The following FBXO11 variants were observed in gnomAD, a reference collection of about 807,000 sequenced individuals.
FBXO11 encodes F-box only protein 11.
In FBXO11, 13 loss-of-function variants were observed where a neutral mutation model predicts 117.0. The observed-to-expected ratio is 0.11, with a 90% CI of 0.07 to 0.18. FBXO11 has a LOEUF of 0.18. FBXO11 is among the 10% of genes least tolerant of loss of function. The probability of loss-of-function intolerance (pLI) is 1.00; values close to 1 mark genes in which losing one functional copy is unlikely to be tolerated. For synonymous variants in FBXO11, 490 were observed against 380.5 expected, an observed-to-expected ratio of 1.29 and a Z score of -3.35; for missense variants, 767 against 1,164.4, an observed-to-expected ratio of 0.66 and a Z score of 4.97.
rs544208308 is a variant in FBXO11, at chr2:47,901,029, A to ATG, written c.232+4459_232+4460insCA. Among the ~76,000 whole-genome samples the ATG allele has an allele frequency of 1.1e-3, 146 of 138,622 alleles. 5 individuals carry two copies. The East Asian group carries it at 0.028, about 27-fold the overall frequency. The allele number at this position is 138,622 out of a possible 152,430, so 90.9% of individuals were successfully genotyped here. On this transcript the variant is annotated intron_variant, in intron 1 of 22. Transcript: ENST00000403359. The stretch of plus-strand genomic sequence containing the variant: ...GAGATATATATATTTATGTATATAT[A>ATG]TACACACGTGTGTACATATATACAC...
chr2:47,810,555 A>T (rs1670541459), intron 18 of FBXO11, 129 bp from the exon 19 acceptor site: 1 of 558,536 alleles, frequency 1.8e-6, no homozygotes, highest in South Asian at 2.7e-5. Flanking sequence ...CTATTTTTTC[A>T]GCCAAAACAA....
chr2:47,891,897 G>A (rs1363527226), intron 1 of FBXO11, among the ~76,000 whole-genome samples: 1 of 151,856 alleles, frequency 6.6e-6, no homozygotes, highest in Non-Finnish European at 1.5e-5. Flanking sequence ...CCATATACTT[G>A]CTTGCCATCT....
chr2:47,883,625 TA>T, intron 1 of FBXO11: 1 of 321,566 alleles, frequency 3.1e-6, no homozygotes, highest in South Asian at 3.0e-5. Context: ...GTACTTTATC[TA>T]ACTACAACAT....
intron 1 of FBXO11, among the ~76,000 whole-genome samples, chr2:47,895,063 C>T (rs1360101658): frequency 6.6e-6 from 1 of 152,056 alleles, no homozygotes; most frequent in Non-Finnish European, 1.5e-5. Flanking sequence ...GTTTCCATTT[C>T]TTGCAAAGTA....
At chr2:47,853,501 T>C (rs1674039575) in intron 1 of FBXO11, among the ~76,000 whole-genome samples, 2 of 152,284 alleles carry the variant, frequency 1.3e-5, no homozygotes, top group South Asian at 4.1e-4. Flanking sequence ...GTATTGTAAA[T>C]AGTAGTATGT....
At chr2:47,811,915 CCTTTT>C (rs1204391978) in intron 18 of FBXO11, among the ~76,000 whole-genome samples, 2 of 152,150 alleles carry the variant, frequency 1.3e-5, no homozygotes, top group South Asian at 4.1e-4. Context: ...TTGGTTCTGT[CCTTTT>C]AAGTATCATT....
chr2:47,897,460 G>T (rs976290466), intron 1 of FBXO11, among the ~76,000 whole-genome samples: 2 of 152,160 alleles, frequency 1.3e-5, no homozygotes, highest in African/African-American at 2.4e-5. Flanking sequence ...ATTTTGGGAG[G>T]CTTAGGCGGG....
intron 20 of FBXO11, 80 bp from the exon 21 acceptor site, chr2:47,809,346 C>T: frequency 1.1e-6 from 1 of 888,584 alleles, no homozygotes; most frequent in Non-Finnish European, 1.7e-6. Context: ...ATTATTCTAA[C>T]AGAAGAGCCA....
intron 1 of FBXO11, among the ~76,000 whole-genome samples, chr2:47,866,559 C>T (rs1379840982): frequency 6.6e-6 from 1 of 151,762 alleles, no homozygotes; most frequent in Non-Finnish European, 1.5e-5. Flanking sequence ...CTGCAAACTC[C>T]GCCTCTCGGG....
At chr2:47,893,211 G>T (rs1677395238) in intron 1 of FBXO11, among the ~76,000 whole-genome samples, 3 of 146,824 alleles carry the variant, frequency 2.0e-5, no homozygotes, top group Admixed American at 2.0e-4. Flanking sequence ...CCAGACCGTG[G>T]GGGTCAAAAC....
intron 1 of FBXO11, among the ~76,000 whole-genome samples, chr2:47,891,222 C>T (rs185967388): frequency 2.2e-4 from 33 of 152,244 alleles, no homozygotes; most frequent in Admixed American, 1.3e-3. Flanking sequence ...TACTGTATGG[C>T]GGAACTTATT....
intron 1 of FBXO11, among the ~76,000 whole-genome samples, chr2:47,901,131 GTA>G (rs200244622): frequency 4.9e-4 from 52 of 105,686 alleles, no homozygotes; most frequent in African/African-American, 1.1e-3. Flanking sequence ...GTGTGTACAT[GTA>G]TATATATACA....
At position 47,878,499 on chromosome 2, in the gene FBXO11, G is replaced by C. The variant is rs558148085; in HGVS notation, c.232+26990C>G. Among the ~76,000 whole-genome samples the C allele has an allele frequency of 2.6e-5, 4 of 152,052 alleles. No homozygotes were observed. The South Asian group carries it at 6.2e-4, about 24-fold the overall frequency. ...AGCCTCCCGAGTAGCTGGGATTACA[G>C]GTGCCTGCCACTATGCCGGGCTAAT... On this transcript the variant is annotated intron_variant, in intron 1 of 22. Coordinates refer to ENST00000403359, the MANE Select transcript of FBXO11 (RefSeq NM_001190274.2).
At chr2:47,811,005 T>C (rs1309353732) in intron 18 of FBXO11, 3 of 152,248 alleles carry the variant, frequency 2.0e-5, no homozygotes, top group Non-Finnish European at 4.4e-5. Flanking sequence ...TTTGTCTTAA[T>C]GTGAGACATG....
chr2:47,900,587 T>C (rs1336252889), intron 1 of FBXO11, among the ~76,000 whole-genome samples: 4 of 144,346 alleles, frequency 2.8e-5, no homozygotes, highest in South Asian at 2.2e-4. Context: ...CACACATATA[T>C]ACGTATATAC....
intron 1 of FBXO11, among the ~76,000 whole-genome samples, chr2:47,844,285 T>C (rs1195591756): frequency 1.3e-5 from 2 of 152,216 alleles, no homozygotes; most frequent in Admixed American, 6.5e-5. Context: ...CTCTCTTAGA[T>C]TGTTCTGTCA....
intron 1 of FBXO11, among the ~76,000 whole-genome samples, chr2:47,898,723 G>A (rs1373207829): frequency 1.3e-5 from 2 of 152,142 alleles, no homozygotes; most frequent in African/African-American, 4.8e-5. Flanking sequence ...TCAGACTAGT[G>A]CAGCCATCTC....
chr2:47,814,977 C>A (rs1471472417), intron 16 of FBXO11, among the ~76,000 whole-genome samples: 1 of 152,138 alleles, frequency 6.6e-6, no homozygotes, highest in South Asian at 2.1e-4. Flanking sequence ...CTCATCTGTC[C>A]AAGTTTTATC....
chr2:47,826,364 A>T (rs908606792), intron 11 of FBXO11, among the ~76,000 whole-genome samples: 2 of 152,054 alleles, frequency 1.3e-5, no homozygotes, highest in Non-Finnish European at 2.9e-5. Context: ...GCTGATCCAC[A>T]AGTTTTTTAA....
Sources: allele counts gnomAD v4.1 joint callset (sites outside exome capture counted in the v4.1 genomes callset), GRCh38; gene constraint gnomAD v4.1.1; transcripts MANE v1.5; gene names NCBI Gene and HGNC (gene_info 2026-07-23, HGNC 2026-07-21).